RIMS2: variants seen among roughly 807,000 people sequenced by gnomAD.
RIMS2 encodes the protein regulating synaptic membrane exocytosis protein 2.
In RIMS2, 59 loss-of-function variants were observed where a neutral mutation model predicts 174.4. That is an observed-to-expected ratio of 0.34 (90% CI 0.27 to 0.42). RIMS2 has a LOEUF of 0.42. RIMS2 is among the 10% of genes least tolerant of loss of function. The pLI is 1.00. For missense variants in RIMS2, 1,620 were observed against 1,666.3 expected, an observed-to-expected ratio of 0.97 and a Z score of 0.48; for synonymous variants, 606 against 572.5, an observed-to-expected ratio of 1.06 and a Z score of -0.84.
chr8:103,579,580 G>GT lies in RIMS2; in HGVS notation c.176+78527dup, dbSNP rs1051037592. On this transcript the variant is annotated intron_variant, in intron 1 of 23. Coordinates refer to ENST00000504942, the Ensembl canonical transcript of RIMS2. ...GGAGGGAATGGATTTAAAGTGTAGA[G>GT]TTTTTTTTTCTTTCTGTGTTCTTTA... is the stretch of plus-strand genomic sequence containing the variant. Among the ~76,000 whole-genome samples the GT allele has an allele frequency of 1.3e-4, 20 of 151,582 alleles. No homozygotes were observed. The South Asian group carries it at 2.7e-3, about 21-fold the overall frequency.
At chr8:103,929,169 G>A (rs1394249305) in intron 11 of RIMS2, among the ~76,000 whole-genome samples, 1 of 151,454 alleles carries the variant, frequency 6.6e-6, no homozygotes, top group African/African-American at 2.4e-5. Flanking sequence ...TTATACTTTA[G>A]TAAACTCTAA....
chr8:103,850,027 A>G (rs2098989131), intron 3 of RIMS2, among the ~76,000 whole-genome samples: 1 of 152,012 alleles, frequency 6.6e-6, no homozygotes, highest in African/African-American at 2.4e-5. Flanking sequence ...AGCAAAAGAC[A>G]ATTACTGAAT....
chr8:104,035,904 G>GT (rs916481100), intron 19 of RIMS2, among the ~76,000 whole-genome samples: 1 of 151,968 alleles, frequency 6.6e-6, no homozygotes, highest in Non-Finnish European at 1.5e-5. Flanking sequence ...GACAAATCAG[G>GT]TGATAGAATT....
intron 1 of RIMS2, among the ~76,000 whole-genome samples, chr8:103,696,274 A>G (rs1390347323): frequency 1.3e-5 from 2 of 152,060 alleles, no homozygotes; most frequent in African/African-American, 4.8e-5. Flanking sequence ...AATAGCATGT[A>G]AGTTTTCTTC....
intron 19 of RIMS2, among the ~76,000 whole-genome samples, chr8:104,208,239 T>C (rs2099089508): frequency 6.6e-6 from 1 of 152,088 alleles, no homozygotes; most frequent in Admixed American, 6.6e-5. Flanking sequence ...TTCTTTAAAC[T>C]GAAGTATGAG....
chr8:103,714,366 A>G (rs2097344093), intron 2 of RIMS2, among the ~76,000 whole-genome samples: 1 of 152,190 alleles, frequency 6.6e-6, no homozygotes, highest in East Asian at 1.9e-4. Context: ...GACAGAATTT[A>G]ATTGTTGTTA....
chr8:103,880,967 T>G (rs2099164495), intron 3 of RIMS2, among the ~76,000 whole-genome samples: 1 of 151,492 alleles, frequency 6.6e-6, no homozygotes, highest in African/African-American at 2.4e-5. Context: ...TTACATTAGT[T>G]TATTTAGCAA....
At chr8:104,233,602 C>T (rs1246126171) in intron 19 of RIMS2, among the ~76,000 whole-genome samples, 6 of 152,286 alleles carry the variant, frequency 3.9e-5, no homozygotes, top group Admixed American at 1.3e-4. Flanking sequence ...TCTATGGCCA[C>T]GAAGGTTTGT....
At position 103,967,170 on chromosome 8, in the gene RIMS2, G is replaced by GTTTTTTTTTTTTTTTTTTTTT. The variant is rs71575988; in HGVS notation, c.2770+6047_2770+6067dup. Among the ~76,000 whole-genome samples, 9 of 24,962 alleles carry GTTTTTTTTTTTTTTTTTTTTT rather than the reference G, an allele frequency of 3.6e-4. 3 individuals are homozygous for GTTTTTTTTTTTTTTTTTTTTT. The highest frequency in any genetic ancestry group is 1.3e-3 in the African/African-American group (6 of 4,738). The allele number at this position is 24,962 out of a possible 152,430, so 16.4% of individuals were successfully genotyped here. On this transcript the variant is annotated intron_variant, in intron 15 of 23. Transcript: ENST00000504942. ...TTTTCTGCCTGCTTGATCTGTTCTTGTTTTTTTTTTTTTTTTTTTTTTTTT... is the reference window on the plus strand; with the variant it reads ...TTTTCTGCCTGCTTGATCTGTTCTTGTTTTTTTTTTTTTTTTTTTTTTTTTTTTTTTTTTTTTTTTTTTTTT...
At chr8:104,170,708 T>C (rs1447929120) in intron 19 of RIMS2, among the ~76,000 whole-genome samples, 1 of 152,104 alleles carries the variant, frequency 6.6e-6, no homozygotes, top group Admixed American at 6.6e-5. Context: ...TATTAGCTGT[T>C]ACCTAGATAC....
At chr8:103,670,463 T>C (rs540063264) in intron 1 of RIMS2, among the ~76,000 whole-genome samples, 2 of 152,362 alleles carry the variant, frequency 1.3e-5, no homozygotes, top group East Asian at 3.9e-4. Flanking sequence ...GTTTTTCTTT[T>C]CAGTCGCATT....
chr8:103,569,274 A>G (rs78228144), intron 1 of RIMS2, among the ~76,000 whole-genome samples: 255 of 152,226 alleles, frequency 1.7e-3, no homozygotes, highest in African/African-American at 5.7e-3. Flanking sequence ...TCTCAGCACT[A>G]TTTGTTGTAA....
chr8:104,191,308 T>C (rs899731386), intron 19 of RIMS2, among the ~76,000 whole-genome samples: 5 of 152,110 alleles, frequency 3.3e-5, no homozygotes, highest in Non-Finnish European at 7.4e-5. Context: ...AATATAGCTG[T>C]TTTAAATTCC....
At chr8:103,511,013 T>C (rs1312947760) in intron 1 of RIMS2, among the ~76,000 whole-genome samples, 2 of 152,186 alleles carry the variant, frequency 1.3e-5, no homozygotes, top group Non-Finnish European at 2.9e-5. Flanking sequence ...GAGATACAAA[T>C]TCCAGAATAT....
chr8:104,248,891 T>TTCTC lies in RIMS2; in HGVS notation c.3589+96_3589+99dup, dbSNP rs368851079. ...GAAATTCTCTAAATTTCATAGAATC[T>TTCTC]TCTCTCTCTCTCTCTCTCTCTTTCC... On this transcript the variant is annotated intron_variant, in intron 21 of 23. Coordinates refer to ENST00000504942, the Ensembl canonical transcript of RIMS2. 1.4e-3 allele frequency: 887 copies of TTCTC among 629,248 alleles called. 6 individuals carry two copies. The African/African-American group carries it at 0.014, about 10-fold the overall frequency. 39.0% of individuals were successfully genotyped at this position (629,248 alleles called of 1,614,324 possible).
intron 1 of RIMS2, among the ~76,000 whole-genome samples, chr8:103,529,432 C>CGGGATATAA (rs1835874402): frequency 6.6e-6 from 1 of 152,162 alleles, no homozygotes; most frequent in African/African-American, 2.4e-5. Flanking sequence ...GAGCCATGCG[C>CGGGATATAA]GGGATATAAT....
At chr8:103,764,212 A>T (rs1427483719) in intron 2 of RIMS2, among the ~76,000 whole-genome samples, 1 of 152,214 alleles carries the variant, frequency 6.6e-6, no homozygotes, top group African/African-American at 2.4e-5. Flanking sequence ...TCTGCAGATG[A>T]TAGTGATTGG....
intron 14 of RIMS2, among the ~76,000 whole-genome samples, chr8:103,951,227 A>G (rs2085269729): frequency 1.3e-5 from 2 of 152,256 alleles, no homozygotes; most frequent in Non-Finnish European, 2.9e-5. Context: ...CTTCAAAATA[A>G]TGAGAGCCAC....
Position 104,148,606 on chromosome 8 carries a change from G to A in RIMS2, c.3335-96310G>A, listed in dbSNP as rs2098663216. On this transcript the variant is annotated intron_variant, in intron 19 of 23. Transcript: ENST00000504942. ...ACTTTTAATGATCCATCGGCTGACA[G>A]TGTCTTTACATCCAAAATGCAAAGC... The A allele has an allele frequency of 1.3e-6, 2 of 1,596,948 alleles. No homozygotes were observed. The highest frequency in any genetic ancestry group is 8.5e-7 in the Non-Finnish European group (1 of 1,178,974).
Sources: allele counts gnomAD v4.1 joint callset (sites outside exome capture counted in the v4.1 genomes callset), GRCh38; gene constraint gnomAD v4.1.1; transcripts MANE v1.5; gene names NCBI Gene and HGNC (gene_info 2026-07-23, HGNC 2026-07-21).